Variants in DRICH1 observed in about 807,000 individuals in gnomAD.
DRICH1 encodes aspartate rich 1, also known as aspartate-rich protein 1.
DRICH1 carries 38 observed loss-of-function variants against 39.5 expected under a neutral mutation model. That is an observed-to-expected ratio of 0.96 (90% CI 0.74 to 1.26). DRICH1 has a LOEUF of 1.26. Among genes scored for constraint, DRICH1 ranks in the 50% most tolerant of loss-of-function variants. The probability of loss-of-function intolerance (pLI) is 0.00; values close to 1 mark genes in which losing one functional copy is unlikely to be tolerated. For synonymous variants in DRICH1, 84 were observed against 99.5 expected, an observed-to-expected ratio of 0.84 and a Z score of 0.93; for missense variants, 279 against 270.4, an observed-to-expected ratio of 1.03 and a Z score of -0.22.
At chr22:23,628,914 G>A (rs1481431178) in intron 1 of DRICH1, among the ~76,000 whole-genome samples, 1 of 152,222 alleles carries the variant, frequency 6.6e-6, no homozygotes, top group Non-Finnish European at 1.5e-5. Flanking sequence ...TTAGGATGAT[G>A]TCCATGCCAT....
downstream of DRICH1, among the ~76,000 whole-genome samples, chr22:23,607,541 G>GC (rs1444425393): frequency 6.7e-6 from 1 of 149,856 alleles, no homozygotes. Context: ...GCGGGGGCGG[G>GC]GGGGGGCCTC....
At chr22:23,583,069 A>G in the DRICH1 span, 17 of 152,404 alleles carry the variant, frequency 1.1e-4, no homozygotes, top group African/African-American at 3.6e-4. Flanking sequence ...AGCTGACTCC[A>G]GCTGGAGAGC....
the DRICH1 span, among the ~76,000 whole-genome samples, chr22:23,593,818 AAAC>A: frequency 6.6e-6 from 1 of 151,708 alleles, no homozygotes; most frequent in African/African-American, 2.4e-5. Context: ...ACAAAAACAA[AAAC>A]AAAAAAATTA....
the DRICH1 span, among the ~76,000 whole-genome samples, chr22:23,596,080 C>T: frequency 6.6e-6 from 1 of 152,228 alleles, no homozygotes; most frequent in Non-Finnish European, 1.5e-5. Context: ...CCTTCATTAT[C>T]ACATTACGTC....
At chr22:23,594,815 A>G in the DRICH1 span, among the ~76,000 whole-genome samples, 5 of 151,718 alleles carry the variant, frequency 3.3e-5, no homozygotes, top group Middle Eastern at 3.4e-3. Flanking sequence ...CCTGGGCCAG[A>G]GATCCTCAGA....
intron 1 of DRICH1, among the ~76,000 whole-genome samples, chr22:23,628,624 T>C (rs974339995): frequency 2.6e-5 from 4 of 152,134 alleles, no homozygotes; most frequent in African/African-American, 9.7e-5. Context: ...TGGCAAATAG[T>C]GTCTCCTCAA....
chr22:23,624,752 T>C (rs1927958017), intron 3 of DRICH1, 131 bp downstream of exon 3: 1 of 1,151,246 alleles, frequency 8.7e-7, no homozygotes, highest in South Asian at 1.3e-5. Flanking sequence ...CTGCTCATAA[T>C]TATACACTCG....
downstream of DRICH1, among the ~76,000 whole-genome samples, chr22:23,603,946 G>A (rs899274024): frequency 5.3e-5 from 8 of 152,170 alleles, no homozygotes; most frequent in Admixed American, 4.6e-4. Flanking sequence ...TTAAAATACA[G>A]GATGTGCTGA....
At chr22:23,611,870 C>T (rs972765351) in intron 11 of DRICH1, among the ~76,000 whole-genome samples, 1 of 152,112 alleles carries the variant, frequency 6.6e-6, no homozygotes, top group African/African-American at 2.4e-5. Flanking sequence ...AACAACACTT[C>T]TTTTTGGAGA....
chr22:23,616,200 C>G (rs1277287288), intron 8 of DRICH1, among the ~76,000 whole-genome samples: 3 of 152,178 alleles, frequency 2.0e-5, no homozygotes, highest in Non-Finnish European at 4.4e-5. Context: ...AATTTTGTCT[C>G]CAGAATTAAG....
intron 4 of DRICH1, 76 bp downstream of exon 4, chr22:23,622,015 G>A (rs1927768418): frequency 1.5e-6 from 2 of 1,368,024 alleles, no homozygotes; most frequent in African/African-American, 1.4e-5. Flanking sequence ...TCCATTCTTT[G>A]GGATTGGACT....
chr22:23,618,956 G>A (rs1443092470), intron 6 of DRICH1, among the ~76,000 whole-genome samples: 3 of 151,900 alleles, frequency 2.0e-5, no homozygotes, highest in East Asian at 1.9e-4. Flanking sequence ...GGGGGATCAC[G>A]AGGTCAAGAG....
rs537174422 is a variant in DRICH1, at chr22:23,622,501, GT to G, written c.299-326del. On this transcript the variant is annotated intron_variant, in intron 3 of 11. Transcript: ENST00000317749. ...GTTTTGAAACTCTTCAAAACCAACA[GT>G]ATTTTCTTAATGTATTCAAGATCGT... Among the ~76,000 whole-genome samples, 18 of 124,426 alleles carry G rather than the reference GT, an allele frequency of 1.4e-4. No homozygotes were observed. The South Asian group carries it at 4.3e-3, about 30-fold the overall frequency. 81.6% of individuals were successfully genotyped at this position (124,426 alleles called of 152,430 possible).
At chr22:23,606,771 C>G (rs1219405456), downstream of DRICH1, among the ~76,000 whole-genome samples, 1 of 152,160 alleles carries the variant, frequency 6.6e-6, no homozygotes, top group African/African-American at 2.4e-5. Flanking sequence ...GCAGATGCCC[C>G]CTGAGATGCC....
At chr22:23,588,542 T>C in the DRICH1 span, among the ~76,000 whole-genome samples, 1 of 152,230 alleles carries the variant, frequency 6.6e-6, no homozygotes, top group Non-Finnish European at 1.5e-5. Flanking sequence ...AGCTGCCCTC[T>C]TCCTGAGAAC....
chr22:23,602,575 C>T, the DRICH1 span, among the ~76,000 whole-genome samples: 20,224 of 152,236 alleles, frequency 0.13, 1,721 homozygotes, highest in East Asian at 0.25. Context: ...ATTCCAGCTA[C>T]GCGAGAGGCT....
intron 1 of DRICH1, among the ~76,000 whole-genome samples, chr22:23,627,041 C>A (rs1928105916): frequency 1.3e-5 from 2 of 151,288 alleles, no homozygotes; most frequent in Non-Finnish European, 2.9e-5. Flanking sequence ...TGGGCCATTG[C>A]ACGGTGGCTG....
chr22:23,620,222 T>C (rs1378761870), intron 5 of DRICH1, among the ~76,000 whole-genome samples: 3 of 152,080 alleles, frequency 2.0e-5, no homozygotes, highest in Non-Finnish European at 2.9e-5. Flanking sequence ...AGATATAACA[T>C]GAAGGTTCCT....
intron 3 of DRICH1, chr22:23,624,123 AC>A (rs1352237910): frequency 1.0e-6 from 1 of 985,290 alleles, no homozygotes; most frequent in African/African-American, 1.7e-5. Context: ...AACAGCAAGC[AC>A]AGACAAATGA....
Sources: gnomAD v4.1 joint callset for allele counts (sites outside exome capture counted in the v4.1 genomes callset) on GRCh38, gnomAD v4.1.1 for gene constraint, MANE v1.5 for transcripts, NCBI Gene and HGNC (gene_info 2026-07-23, HGNC 2026-07-21) for gene names.